Variants in ERICH1 observed in about 807,000 individuals in gnomAD.
ERICH1 encodes glutamate-rich protein 1.
Under a neutral mutation model 39.6 loss-of-function variants are expected in ERICH1, and 56 were observed. The observed-to-expected ratio is 1.41, with a 90% CI of 1.14 to 1.77. The LOEUF (loss-of-function observed/expected upper bound fraction) is 1.77. ERICH1 is among the 40% of genes most tolerant of loss of function. The probability of loss-of-function intolerance (pLI) is 0.00; values close to 1 mark genes in which losing one functional copy is unlikely to be tolerated. For synonymous variants in ERICH1, 313 were observed against 223.6 expected (o/e 1.40, Z -3.57); for missense variants, 826 against 575.4 (o/e 1.44, Z -4.45).
intron 5 of ERICH1, chr8:665,971 T>A (rs780340620): frequency 6.6e-6 from 1 of 152,130 alleles, no homozygotes; most frequent in African/African-American, 2.4e-5. Context: ...ATTAAACAAA[T>A]ACAACGTGTG....
At chr8:671,112 C>T (rs79983238) in intron 4 of ERICH1, among the ~76,000 whole-genome samples, 15 of 140,076 alleles carry the variant, frequency 1.1e-4, no homozygotes, top group African/African-American at 1.6e-4. Context: ...CTCACTGGTC[C>T]CCAGGCTCCG....
At chr8:700,524 G>A (rs866870753) in intron 2 of ERICH1, among the ~76,000 whole-genome samples, 170 of 60,408 alleles carry the variant, frequency 2.8e-3, no homozygotes, top group Middle Eastern at 9.6e-3. Flanking sequence ...AGGCGCACAG[G>A]CCCGCACAGG....
At chr8:707,072 A>G (rs1357066876) in intron 2 of ERICH1, among the ~76,000 whole-genome samples, 2 of 152,196 alleles carry the variant, frequency 1.3e-5, no homozygotes, top group African/African-American at 2.4e-5. Context: ...TTCTCAATTC[A>G]AAACTTAGTA....
chr8:647,369 G>A lies in ERICH1; in HGVS notation c.976+21229C>T, dbSNP rs1395349833. 3.0e-5 allele frequency among the ~76,000 whole-genome samples: 2 copies of A among 67,716 alleles called. 1 individual carries two copies. The highest frequency in any genetic ancestry group is 7.7e-5 in the African/African-American group (2 of 25,984). 44.4% of individuals were successfully genotyped at this position (67,716 alleles called of 152,430 possible). On this transcript the variant is annotated intron_variant, in intron 3 of 3. Coordinates refer to the ERICH1 transcript ENST00000522706. ...AGAATTAGGCAAAGAGTTTGCCATG[G>A]TGCACTGGCATGAGTTTGAATGAAT...
At chr8:682,814 A>C (rs1033495659) in intron 3 of ERICH1, among the ~76,000 whole-genome samples, 3 of 152,220 alleles carry the variant, frequency 2.0e-5, no homozygotes, top group Admixed American at 2.0e-4. Flanking sequence ...TCTTACGTGA[A>C]AGTAGGCTAG....
At chr8:622,803 T>A (rs575042033) in intron 3 of ERICH1, among the ~76,000 whole-genome samples, 23 of 151,878 alleles carry the variant, frequency 1.5e-4, no homozygotes, top group African/African-American at 5.1e-4. Flanking sequence ...AAAATTTTTT[T>A]AAAAAATAGC....
chr8:674,296 CTTT>C (rs11372589), intron 3 of ERICH1, among the ~76,000 whole-genome samples: 35 of 109,810 alleles, frequency 3.2e-4, no homozygotes, highest in African/African-American at 1.1e-3. Flanking sequence ...CAAGTTGTTG[CTTT>C]TTTTTTTTTT....
intron 3 of ERICH1, among the ~76,000 whole-genome samples, chr8:689,857 G>C (rs902457418): frequency 1.3e-5 from 2 of 152,210 alleles, no homozygotes; most frequent in African/African-American, 4.8e-5. Flanking sequence ...CACTGTAATA[G>C]ACTCTGTAAA....
intron 3 of ERICH1, among the ~76,000 whole-genome samples, chr8:653,941 CAGA>C (rs1360363448): frequency 1.3e-5 from 2 of 151,902 alleles, no homozygotes; most frequent in Non-Finnish European, 2.9e-5. Flanking sequence ...GAGCTGGTCA[CAGA>C]AGGACAAATC....
chr8:630,008 A>AGG (rs1350161773), intron 3 of ERICH1, among the ~76,000 whole-genome samples: 1 of 118,262 alleles, frequency 8.5e-6, no homozygotes, highest in Admixed American at 8.7e-5. Context: ...GAGCACCCAC[A>AGG]CAGACAAAGC....
intron 2 of ERICH1, among the ~76,000 whole-genome samples, chr8:698,898 A>T (rs1007089536): frequency 1.3e-5 from 1 of 79,010 alleles, no homozygotes; most frequent in Non-Finnish European, 2.4e-5. Flanking sequence ...TGTCTCTGTG[A>T]GTTTTTTTTT....
At chr8:677,909 C>G (rs1284359737) in intron 3 of ERICH1, among the ~76,000 whole-genome samples, 1 of 152,044 alleles carries the variant, frequency 6.6e-6, no homozygotes, top group African/African-American at 2.4e-5. Flanking sequence ...TCTGCCAGCT[C>G]TGTCAGTGCC....
intron 3 of ERICH1, chr8:616,660 C>A (rs35578938): frequency 4.5e-6 from 2 of 441,270 alleles, no homozygotes; most frequent in South Asian, 1.6e-5. Context: ...GACGGGGGCG[C>A]GGGGGACAGA....
chr8:695,745 G>C (rs1810065861), intron 2 of ERICH1, among the ~76,000 whole-genome samples: 1 of 99,258 alleles, frequency 1.0e-5, no homozygotes, highest in East Asian at 2.7e-4. Context: ...GCCTGCGCCT[G>C]TGCTGGCTCC....
rs781561285 is a variant in ERICH1 at position 721,119 on chromosome 8, A to AT, written c.23-5113dup. On this transcript the variant is annotated intron_variant, in intron 1 of 5. Coordinates refer to ENST00000262109, the MANE Select transcript of ERICH1 (RefSeq NM_207332.3). ...TGGATATCTCATTATAAAGCGGGAG[A>AT]TTTTTTCTTCAACAAGAATTATAAT... is the stretch of plus-strand genomic sequence containing the variant. 2.0e-5 allele frequency among the ~76,000 whole-genome samples: 3 copies of AT among 152,182 alleles called. No individual in the cohort carries two copies. In the South Asian group the frequency reaches 6.2e-4, roughly 31 times the overall value.
At chr8:688,039 G>A (rs575098865) in intron 3 of ERICH1, among the ~76,000 whole-genome samples, 166 of 152,244 alleles carry the variant, frequency 1.1e-3, no homozygotes, top group Middle Eastern at 3.4e-3. Flanking sequence ...TGGAAAGGCG[G>A]GGGAGACGCG....
intron 3 of ERICH1, among the ~76,000 whole-genome samples, chr8:633,902 C>G (rs1798212593): frequency 6.6e-6 from 1 of 152,162 alleles, no homozygotes; most frequent in African/African-American, 2.4e-5. Context: ...ACATCAAAGA[C>G]CTAAATGTGA....
chr8:679,472 C>T (rs1332878427), intron 3 of ERICH1, among the ~76,000 whole-genome samples: 5 of 151,760 alleles, frequency 3.3e-5, no homozygotes, highest in Non-Finnish European at 7.4e-5. Context: ...CCACCCCTCG[C>T]AGCTCTGTGA....
intron 3 of ERICH1, among the ~76,000 whole-genome samples, chr8:658,606 G>A (rs1277503307): frequency 1.3e-5 from 2 of 152,180 alleles, no homozygotes; most frequent in Non-Finnish European, 1.5e-5. Context: ...CGATGTGGCT[G>A]CATTTGGAGA....
Sources: allele counts gnomAD v4.1 joint callset (sites outside exome capture counted in the v4.1 genomes callset), GRCh38; gene constraint gnomAD v4.1.1; transcripts MANE v1.5; gene names NCBI Gene and HGNC (gene_info 2026-07-23, HGNC 2026-07-21).